HLCS: variants seen among roughly 807,000 people sequenced by gnomAD.
The protein encoded by HLCS is biotin--protein ligase.
A neutral mutation model predicts 75.0 loss-of-function variants in HLCS; 53 were observed. The observed-to-expected ratio is 0.71, with a 90% CI of 0.57 to 0.89. The LOEUF is 0.89. Among genes scored for constraint, HLCS ranks in the 40% least tolerant of loss-of-function variants. The pLI is 0.00. For missense variants in HLCS, 966 were observed against 1,074.0 expected, an observed-to-expected ratio of 0.90 and a Z score of 1.41; for synonymous variants, 431 against 428.6, an observed-to-expected ratio of 1.01 and a Z score of -0.07.
chr21:36,824,981 A>T (rs1158336151), intron 6 of HLCS, among the ~76,000 whole-genome samples: 1 of 152,218 alleles, frequency 6.6e-6, no homozygotes, highest in Non-Finnish European at 1.5e-5. Flanking sequence ...GTTTGTCCTA[A>T]AACTTCTTTT....
In HLCS at chr21:36,908,145, G is replaced by A. The variant is rs1171845330; in HGVS notation, c.1621-11014C>T. Among the ~76,000 whole-genome samples, 4 of 151,968 alleles carry A rather than the reference G, an allele frequency of 2.6e-5. No homozygotes were observed. The South Asian group carries it at 8.3e-4, about 32-fold the overall frequency. ...CATATCTGTAATCCCAGCATTCTGGGAGGCTGAGGCAAGAGGATTGCTTGA... is the reference window on the plus strand; with the variant it reads ...CATATCTGTAATCCCAGCATTCTGGAAGGCTGAGGCAAGAGGATTGCTTGA... On this transcript the variant is annotated intron_variant, in intron 5 of 10. Coordinates refer to ENST00000674895, the MANE Select transcript of HLCS (RefSeq NM_001352514.2).
At chr21:36,880,457 C>T (rs2064159986) in intron 6 of HLCS, among the ~76,000 whole-genome samples, 1 of 151,902 alleles carries the variant, frequency 6.6e-6, no homozygotes, top group Non-Finnish European at 1.5e-5. Flanking sequence ...TTTGCAACAT[C>T]TAAGTTTCTT....
chr21:36,770,438 C>T (rs986260202), intron 6 of HLCS, among the ~76,000 whole-genome samples: 11 of 151,984 alleles, frequency 7.2e-5, no homozygotes, highest in Admixed American at 2.6e-4. Flanking sequence ...TAAGCCACCA[C>T]GCCTGGCCAA....
At chr21:36,913,692 T>C (rs2065814433) in intron 5 of HLCS, among the ~76,000 whole-genome samples, 1 of 151,858 alleles carries the variant, frequency 6.6e-6, no homozygotes, top group Admixed American at 6.6e-5. Flanking sequence ...ACCCAGGAAG[T>C]GAAGGTTGCA....
intron 5 of HLCS, among the ~76,000 whole-genome samples, chr21:36,924,403 T>C (rs1221782512): frequency 6.6e-6 from 1 of 151,956 alleles, no homozygotes; most frequent in Non-Finnish European, 1.5e-5. Flanking sequence ...CTACTAAAAA[T>C]ACAAAAATTA....
At chr21:36,868,219 A>C (rs1194163944) in intron 6 of HLCS, among the ~76,000 whole-genome samples, 5 of 87,792 alleles carry the variant, frequency 5.7e-5, no homozygotes, top group Non-Finnish European at 1.1e-4. Flanking sequence ...GAAGGGAAAA[A>C]AGAGAGAGAA....
intron 6 of HLCS, among the ~76,000 whole-genome samples, chr21:36,821,524 A>C (rs1268415172): frequency 6.6e-6 from 1 of 152,194 alleles, no homozygotes; most frequent in Non-Finnish European, 1.5e-5. Context: ...ATCCTTGGCC[A>C]ACTCTGCAGA....
chr21:36,957,365 C>T (rs1350173869), intron 2 of HLCS, among the ~76,000 whole-genome samples: 1 of 152,164 alleles, frequency 6.6e-6, no homozygotes, highest in Non-Finnish European at 1.5e-5. Context: ...AAGGCCCTCA[C>T]CAGAAGCACA....
intron 6 of HLCS, among the ~76,000 whole-genome samples, chr21:36,888,156 G>A (rs2064552591): frequency 6.6e-6 from 1 of 151,970 alleles, no homozygotes; most frequent in Admixed American, 6.6e-5. Flanking sequence ...GGATCCGGCT[G>A]TTTCTCTACT....
chr21:36,901,165 C>T (rs1012279560), intron 5 of HLCS, among the ~76,000 whole-genome samples: 2 of 152,194 alleles, frequency 1.3e-5, no homozygotes, highest in South Asian at 4.2e-4. Flanking sequence ...GGAGGCTGAA[C>T]TCAGGAGGTG....
In HLCS at chr21:36,776,466, G is replaced by A. The variant is rs146647768; in HGVS notation, c.1893-9181C>T. Among the ~76,000 whole-genome samples, 8 of 151,828 alleles carry A rather than the reference G, an allele frequency of 5.3e-5. No individual in the cohort carries two copies. In the East Asian group the frequency reaches 1.5e-3, roughly 29 times the overall value. On this transcript the variant is annotated intron_variant, in intron 6 of 10. Coordinates refer to ENST00000674895, the MANE Select transcript of HLCS (RefSeq NM_001352514.2). ...GTTTCACTCTGTCACCCAGGTTAGAGTGCAGTGGCACAATCTAAGCTCACT... is the reference window on the plus strand; with the variant it reads ...GTTTCACTCTGTCACCCAGGTTAGAATGCAGTGGCACAATCTAAGCTCACT...
At chr21:36,815,191 T>C (rs961187005) in intron 6 of HLCS, among the ~76,000 whole-genome samples, 2 of 152,088 alleles carry the variant, frequency 1.3e-5, no homozygotes, top group African/African-American at 4.8e-5. Flanking sequence ...CACATCCCAC[T>C]AATTTTTTTG....
chr21:36,940,831 C>T lies in HLCS; in HGVS notation c.331-1837G>A, dbSNP rs79102672. Among the ~76,000 whole-genome samples, 1,354 of 152,366 alleles carry T rather than the reference C, an allele frequency of 8.9e-3. 24 individuals are homozygous for T. The highest frequency in any genetic ancestry group is 0.03 in the African/African-American group (1,262 of 41,586). ...ACTGTAATCCCCATGTGTCAAGGGA[C>T]GGACCTGGTGGGAGGTGACAGGATC... On this transcript the variant is annotated intron_variant, in intron 2 of 10. Transcript: ENST00000674895.
chr21:36,787,072 A>G (rs2060709361), intron 6 of HLCS, among the ~76,000 whole-genome samples: 1 of 152,230 alleles, frequency 6.6e-6, no homozygotes, highest in African/African-American at 2.4e-5. Context: ...GAGTGCAGCC[A>G]CATTTCAACA....
At chr21:36,834,940 A>G (rs2062356499) in intron 6 of HLCS, among the ~76,000 whole-genome samples, 1 of 152,228 alleles carries the variant, frequency 6.6e-6, no homozygotes, top group Non-Finnish European at 1.5e-5. Flanking sequence ...TGGAGAAAGC[A>G]ATGAGCAGCA....
intron 6 of HLCS, among the ~76,000 whole-genome samples, chr21:36,773,636 T>C (rs1425118927): frequency 6.6e-6 from 1 of 152,168 alleles, no homozygotes; most frequent in Non-Finnish European, 1.5e-5. Flanking sequence ...TTTTCTCAGC[T>C]CTGACCCTGT....
chr21:36,786,173 G>A (rs2060680500), intron 6 of HLCS, among the ~76,000 whole-genome samples: 1 of 152,138 alleles, frequency 6.6e-6, no homozygotes, highest in African/African-American at 2.4e-5. Flanking sequence ...CCGTTAAAAA[G>A]AAAATGCTTC....
intron 6 of HLCS, among the ~76,000 whole-genome samples, chr21:36,877,080 G>A (rs900972950): frequency 2.0e-5 from 3 of 152,098 alleles, no homozygotes; most frequent in Non-Finnish European, 4.4e-5. Context: ...ACCTCCTTAG[G>A]CTGTTAATGT....
Position 36,966,444 on chromosome 21 carries a change from C to CCCCGGGGGGGGG in HLCS, c.194_195insCCCCCCCCCGGG (p.Gln65delinsHisProProProGly). ...TCGCCCGCCCGCCCGACCCGCCCAC[C>CCCCGGGGGGGGG]TGGCTGTCGCTGACGCAGAAGACGC... On this transcript the variant is annotated protein_altering_variant and splice_region_variant, in exon 1 of 11. Coordinates refer to ENST00000674895, the MANE Select transcript of HLCS (RefSeq NM_001352514.2). 1.0e-6 allele frequency: 1 copy of CCCCGGGGGGGGG among 975,098 alleles called. No individual in the cohort carries two copies. The highest frequency in any genetic ancestry group is 1.2e-6 in the Non-Finnish European group (1 of 821,304). 60.4% of individuals were successfully genotyped at this position (975,098 alleles called of 1,614,324 possible).
Sources: allele counts gnomAD v4.1 joint callset (sites outside exome capture counted in the v4.1 genomes callset), GRCh38; gene constraint gnomAD v4.1.1; transcripts MANE v1.5; gene names NCBI Gene and HGNC (gene_info 2026-07-23, HGNC 2026-07-21).